METAP2: variants seen among roughly 807,000 people sequenced by gnomAD.
The protein encoded by METAP2 is methionyl aminopeptidase 2.
METAP2 carries 25 observed loss-of-function variants against 59.4 expected under a neutral mutation model. That is an observed-to-expected ratio of 0.42 (90% CI 0.31 to 0.59). The LOEUF is 0.59. Ranked by LOEUF, METAP2 falls within the 20% of genes least tolerant of loss-of-function variation. The pLI is 0.16. For missense variants in METAP2, 366 were observed against 581.2 expected (o/e 0.63, Z 3.81); for synonymous variants, 214 against 194.1 (o/e 1.10, Z -0.85).
chr12:95,485,199 A>C (rs2076187036), intron 3 of METAP2, among the ~76,000 whole-genome samples: 1 of 152,216 alleles, frequency 6.6e-6, no homozygotes, highest in Non-Finnish European at 1.5e-5. Context: ...GAGGATTGGT[A>C]CTATTTAGCC....
intron 2 of METAP2, among the ~76,000 whole-genome samples, chr12:95,480,869 A>G (rs537096222): frequency 6.6e-6 from 1 of 152,242 alleles, no homozygotes; most frequent in African/African-American, 2.4e-5. Context: ...TCTGTTTTTT[A>G]AATTTATGGG....
Position 95,513,982 on chromosome 12 carries a change from ATGT to A in METAP2, c.*82_*84del. 2 of 1,482,478 alleles carry A rather than the reference ATGT, an allele frequency of 1.3e-6. No homozygotes were observed. Among genetic ancestry groups the A allele is most frequent in the East Asian group, 2.3e-5 (1 of 43,884 alleles). The allele number at this position is 1,482,478 out of a possible 1,614,324, so 91.8% of individuals were successfully genotyped here. ...CATGATACCAGAATTAATTTGCCAC[ATGT>A]TGTCTGTTTTAACAGTGGACCCATG... On this transcript the variant is annotated 3_prime_UTR_variant, in exon 11 of 11. Transcript: ENST00000323666.
chr12:95,514,446 A>C lies in METAP2; in HGVS notation c.*542A>C, dbSNP rs1052864032. 1 of 152,284 alleles carries C rather than the reference A, an allele frequency of 6.6e-6. No individual in the cohort carries two copies. Among genetic ancestry groups the C allele is most frequent in the African/African-American group, 2.4e-5 (1 of 41,348 alleles). The allele number at this position is 152,284 out of a possible 1,614,324, so 9.4% of individuals were successfully genotyped here. On this transcript the variant is annotated 3_prime_UTR_variant, in exon 11 of 11. Transcript: ENST00000323666. ...ATTTATCTGAAATGTAGACCTCTAC[A>C]CTGAGACTTTTCTGGCATAGTGGCT...
chr12:95,500,275 AATTAATTT>A (rs2076305746), intron 7 of METAP2, among the ~76,000 whole-genome samples: 1 of 152,114 alleles, frequency 6.6e-6, no homozygotes, highest in East Asian at 1.9e-4. Flanking sequence ...TACTTGGTTG[AATTAATTT>A]ATTCTGACAC....
In METAP2 at chr12:95,476,189, A is replaced by C. The variant is rs200564504; in HGVS notation, c.259+11A>C. 25 of 1,541,498 alleles carry C rather than the reference A, an allele frequency of 1.6e-5. No individual in the cohort carries two copies. The highest frequency in any genetic ancestry group is 3.4e-4 in the Middle Eastern group (2 of 5,898). ...ATGAAGATGATGAAGGTAAATGGTT[A>C]ATTTGATCTTTGTGGTTAGAAAAGC... On this transcript the variant is annotated intron_variant, in intron 2 of 10. Coordinates refer to ENST00000323666, the MANE Select transcript of METAP2 (RefSeq NM_006838.4).
At chr12:95,498,021 T>A (rs1373521149) in intron 7 of METAP2, among the ~76,000 whole-genome samples, 5 of 150,832 alleles carry the variant, frequency 3.3e-5, no homozygotes, top group African/African-American at 1.2e-4. Flanking sequence ...TGGTCCCAGC[T>A]ACTGAGGAGG....
At chr12:95,488,307 C>G (rs998816498) in intron 4 of METAP2, among the ~76,000 whole-genome samples, 2 of 151,502 alleles carry the variant, frequency 1.3e-5, no homozygotes, top group African/African-American at 4.9e-5. Context: ...CAAGACCAGC[C>G]TGGCCAACAT....
chr12:95,505,898 C>T (rs1345602800), intron 8 of METAP2, among the ~76,000 whole-genome samples: 1 of 151,166 alleles, frequency 6.6e-6, no homozygotes, highest in East Asian at 2.0e-4. Context: ...AGTTTGAGAC[C>T]AGCCTGGCCA....
chr12:95,489,503 A>G (rs955198983), intron 4 of METAP2, among the ~76,000 whole-genome samples: 1 of 152,190 alleles, frequency 6.6e-6, no homozygotes, highest in Admixed American at 6.5e-5. Flanking sequence ...TTACATTCAT[A>G]TAACCAGTTT....
chr12:95,474,248 G>A lies in METAP2; in HGVS notation c.69G>A (p.Arg23=). The change falls in exon 1 of 11, where the codon AGG becomes AGA. Residue 23 remains arginine (R), a synonymous_variant. Coordinates refer to ENST00000323666, the MANE Select transcript of METAP2 (RefSeq NM_006838.4). The stretch of plus-strand genomic sequence containing the variant: ...ATGGCGACCTGGATCCAGACGACAG[G>A]GAAGAAGGAGCTGCCTCTACGGCTG... ...HLNGDLDPDD[R]EEGAASTAEE... 6.2e-7 allele frequency: 1 copy of A among 1,614,268 alleles called. No individual in the cohort carries two copies. The highest frequency in any genetic ancestry group is 8.5e-7 in the Non-Finnish European group (1 of 1,180,048).
intron 1 of METAP2, among the ~76,000 whole-genome samples, chr12:95,474,573 G>A (rs1432841977): frequency 6.6e-6 from 1 of 152,174 alleles, no homozygotes; most frequent in Admixed American, 6.5e-5. Flanking sequence ...GTACCTCTGG[G>A]GTCGCTGGGC....
At chr12:95,483,730 A>G (rs2076176397) in intron 3 of METAP2, among the ~76,000 whole-genome samples, 1 of 152,174 alleles carries the variant, frequency 6.6e-6, no homozygotes, top group Admixed American at 6.5e-5. Flanking sequence ...TGAGTTTCTA[A>G]AAATTTTATG....
At chr12:95,495,707 T>C (rs1475367502) in intron 6 of METAP2, among the ~76,000 whole-genome samples, 1 of 152,194 alleles carries the variant, frequency 6.6e-6, no homozygotes. Flanking sequence ...AGTCTTTTCT[T>C]GTATTCATTT....
In METAP2 at chr12:95,483,246, AAAG is replaced by A. The variant is rs779538801; in HGVS notation, c.300_302del (p.Lys106del). On this transcript the variant is annotated inframe_deletion, in exon 3 of 11. Coordinates refer to ENST00000323666, the MANE Select transcript of METAP2 (RefSeq NM_006838.4). ...ATGGCGATGGAGATGGAGCAACTGG[AAAG>A]AAGAAGAAAAAGAAGAAGAAGAAGA... The A allele has an allele frequency of 3.7e-6, 6 of 1,612,834 alleles. No individual in the cohort carries two copies. Among genetic ancestry groups the A allele is most frequent in the Non-Finnish European group, 1.7e-6 (2 of 1,178,856 alleles).
At chr12:95,492,522 A>G (rs957225745) in intron 4 of METAP2, among the ~76,000 whole-genome samples, 9 of 151,700 alleles carry the variant, frequency 5.9e-5, no homozygotes, top group Non-Finnish European at 1.3e-4. Flanking sequence ...GAATTTCTTT[A>G]ATTCTGTTTC....
At chr12:95,480,031 A>T (rs2076147583) in intron 2 of METAP2, among the ~76,000 whole-genome samples, 1 of 152,192 alleles carries the variant, frequency 6.6e-6, no homozygotes, top group African/African-American at 2.4e-5. Context: ...TCCAGAAAAA[A>T]GTTGTGTCTC....
chr12:95,494,343 C>A, intron 5 of METAP2, 126 bp downstream of exon 5: 3 of 929,020 alleles, frequency 3.2e-6, no homozygotes, highest in Non-Finnish European at 4.7e-6. Flanking sequence ...GTAGAAATGC[C>A]TTCTAGATTA....
intron 6 of METAP2, 86 bp from the exon 7 acceptor site, chr12:95,495,918 C>A: frequency 1.3e-6 from 1 of 796,230 alleles, no homozygotes; most frequent in Non-Finnish European, 2.0e-6. Flanking sequence ...TTCTGTTAAA[C>A]TAGCAAGATT....
chr12:95,498,132 C>CAAA (rs550768555), intron 7 of METAP2, among the ~76,000 whole-genome samples: 1 of 123,614 alleles, frequency 8.1e-6, no homozygotes, highest in Non-Finnish European at 1.7e-5. Context: ...GACTCCATCT[C>CAAA]AAAAAAAAAA....
Sources: allele counts gnomAD v4.1 joint callset (sites outside exome capture counted in the v4.1 genomes callset), GRCh38; gene constraint gnomAD v4.1.1; transcripts MANE v1.5; gene names NCBI Gene and HGNC (gene_info 2026-07-23, HGNC 2026-07-21).